Variants in TMEM38B observed in about 807,000 individuals in gnomAD.
TMEM38B encodes the protein transmembrane protein 38B.
In TMEM38B, 24 loss-of-function variants were observed where a neutral mutation model predicts 28.7. The ratio of observed to expected loss-of-function variants is 0.84; its 90% confidence interval spans 0.61 to 1.18. The LOEUF (loss-of-function observed/expected upper bound fraction) is 1.18, where lower values mean the gene tolerates loss of function less well. TMEM38B is among the 50% of genes most tolerant of loss of function. The probability of loss-of-function intolerance (pLI) is 0.00; values close to 1 mark genes in which losing one functional copy is unlikely to be tolerated. For synonymous variants in TMEM38B, 131 were observed against 127.7 expected (o/e 1.03, Z -0.17); for missense variants, 380 against 350.9 (o/e 1.08, Z -0.66).
intron 4 of TMEM38B, among the ~76,000 whole-genome samples, chr9:105,722,942 C>G (rs1836376008): frequency 6.6e-6 from 1 of 152,104 alleles, no homozygotes. Context: ...ATAGACTTCT[C>G]TGGATGAAAA....
intron 4 of TMEM38B, among the ~76,000 whole-genome samples, chr9:105,739,841 A>G (rs575697067): frequency 5.3e-5 from 8 of 152,020 alleles, no homozygotes; most frequent in African/African-American, 1.2e-4. Context: ...AAGTCTTCCA[A>G]TGTATGAACA....
intron 4 of TMEM38B, among the ~76,000 whole-genome samples, chr9:105,740,236 C>T (rs1276125424): frequency 6.8e-6 from 1 of 147,024 alleles, no homozygotes; most frequent in Non-Finnish European, 1.5e-5. Flanking sequence ...TCTTCCACTT[C>T]CTTCATTAAA....
intron 4 of TMEM38B, among the ~76,000 whole-genome samples, chr9:105,738,313 G>A (rs1340118801): frequency 2.0e-5 from 3 of 152,100 alleles, no homozygotes; most frequent in African/African-American, 7.2e-5. Flanking sequence ...GAAGAGAGAA[G>A]TCCCTCCTGG....
chr9:105,765,593 T>C (rs1221150884), intron 5 of TMEM38B, among the ~76,000 whole-genome samples: 9 of 152,222 alleles, frequency 5.9e-5, no homozygotes, highest in Admixed American at 5.9e-4. Context: ...TGGAGTCATA[T>C]AGTATGTACT....
chr9:105,724,937 C>T lies in TMEM38B; in HGVS notation c.542+2316C>T, dbSNP rs960727818. Reference sequence around the variant, plus strand: ...GAAACCTTGCATTGATTCCTCCAAACGGCCTATAAGTCCCTCCAAATGTGC... The same window carrying T: ...GAAACCTTGCATTGATTCCTCCAAATGGCCTATAAGTCCCTCCAAATGTGC... On this transcript the variant is annotated intron_variant, in intron 4 of 5. Coordinates refer to ENST00000374692, the MANE Select transcript of TMEM38B (RefSeq NM_018112.3). Among the ~76,000 whole-genome samples, 5 of 152,072 alleles carry T rather than the reference C, an allele frequency of 3.3e-5. No homozygotes were observed. In the South Asian group the frequency reaches 8.3e-4, roughly 25 times the overall value.
intron 5 of TMEM38B, among the ~76,000 whole-genome samples, chr9:105,770,599 G>A (rs1278152753): frequency 1.3e-5 from 2 of 151,884 alleles, no homozygotes; most frequent in South Asian, 2.1e-4. Flanking sequence ...AATCATTCAT[G>A]TTAATAATTA....
chr9:105,698,067 A>T (rs966320607), intron 1 of TMEM38B, among the ~76,000 whole-genome samples: 3 of 98,614 alleles, frequency 3.0e-5, no homozygotes, highest in Non-Finnish European at 4.6e-5. Context: ...TCCCACGTGC[A>T]TAGACCTCTG....
At position 105,700,631 on chromosome 9, in the gene TMEM38B, A is replaced by G. The variant is rs1003518011; in HGVS notation, c.113-4966A>G. Reference sequence around the variant, plus strand: ...TCACTTGACATGGTTATTTTCTCCAATGATTTCTGTCGTTTCTATGAATTA... The same window carrying G: ...TCACTTGACATGGTTATTTTCTCCAGTGATTTCTGTCGTTTCTATGAATTA... On this transcript the variant is annotated intron_variant, in intron 1 of 5. Coordinates refer to ENST00000374692, the MANE Select transcript of TMEM38B (RefSeq NM_018112.3). Among the ~76,000 whole-genome samples, 7 of 152,144 alleles carry G rather than the reference A, an allele frequency of 4.6e-5. No individual in the cohort carries two copies. The East Asian group carries it at 9.6e-4, about 21-fold the overall frequency.
At chr9:105,730,075 C>T (rs1403601623) in intron 4 of TMEM38B, among the ~76,000 whole-genome samples, 1 of 152,132 alleles carries the variant, frequency 6.6e-6, no homozygotes, top group Non-Finnish European at 1.5e-5. Context: ...TTATTTCTTT[C>T]TCTTTCCTTT....
At chr9:105,721,833 C>A in intron 3 of TMEM38B, 112 bp downstream of exon 3, 2 of 823,914 alleles carry the variant, frequency 2.4e-6, no homozygotes, top group Non-Finnish European at 3.5e-6. Flanking sequence ...ATAACAGAGA[C>A]TTTTTGGAAG....
At chr9:105,745,915 G>C (rs544217061) in intron 4 of TMEM38B, among the ~76,000 whole-genome samples, 15 of 151,966 alleles carry the variant, frequency 9.9e-5, no homozygotes, top group Admixed American at 9.8e-4. Context: ...ATTTCTGAGG[G>C]CTCTGTTCTG....
chr9:105,701,850 A>G (rs1038685941), intron 1 of TMEM38B, among the ~76,000 whole-genome samples: 1 of 152,200 alleles, frequency 6.6e-6, no homozygotes, highest in Non-Finnish European at 1.5e-5. Flanking sequence ...TGTCTGTTCT[A>G]ATTACTCATT....
chr9:105,770,957 A>C (rs980953192), intron 5 of TMEM38B, among the ~76,000 whole-genome samples: 1 of 152,196 alleles, frequency 6.6e-6, no homozygotes, highest in Non-Finnish European at 1.5e-5. Context: ...GAGAATATCA[A>C]AGTAGGTATA....
At chr9:105,759,768 G>A in intron 5 of TMEM38B, 3 of 1,608,626 alleles carry the variant, frequency 1.9e-6, no homozygotes, top group Non-Finnish European at 2.5e-6. Flanking sequence ...CTGGTTTTAA[G>A]AGAACCACTA....
At chr9:105,769,171 T>G (rs949026589) in intron 5 of TMEM38B, among the ~76,000 whole-genome samples, 1 of 152,062 alleles carries the variant, frequency 6.6e-6, no homozygotes, top group Non-Finnish European at 1.5e-5. Flanking sequence ...AGGAAAGTTA[T>G]CAACAGACAA....
At chr9:105,771,267 A>G (rs993554306) in intron 5 of TMEM38B, among the ~76,000 whole-genome samples, 6 of 152,160 alleles carry the variant, frequency 3.9e-5, no homozygotes, top group South Asian at 2.1e-4. Flanking sequence ...GATTTATTCT[A>G]TTTGTCACAA....
chr9:105,701,772 T>A (rs533366524), intron 1 of TMEM38B: 1 of 152,362 alleles, frequency 6.6e-6, no homozygotes, highest in East Asian at 1.9e-4. Context: ...ATGTGATCCA[T>A]TATACCATAT....
chr9:105,697,389 C>G (rs772816091), intron 1 of TMEM38B, among the ~76,000 whole-genome samples: 1 of 152,188 alleles, frequency 6.6e-6, no homozygotes. Flanking sequence ...CAAGAGTGAA[C>G]AGTGTACCTG....
intron 5 of TMEM38B, among the ~76,000 whole-genome samples, chr9:105,766,270 T>C (rs1055789249): frequency 6.6e-6 from 1 of 152,242 alleles, no homozygotes; most frequent in Non-Finnish European, 1.5e-5. Context: ...TCCTTGTTAA[T>C]TATTTGGTAT....
Sources: allele counts gnomAD v4.1 joint callset (sites outside exome capture counted in the v4.1 genomes callset), GRCh38; gene constraint gnomAD v4.1.1; transcripts MANE v1.5; gene names NCBI Gene and HGNC (gene_info 2026-07-23, HGNC 2026-07-21).